ZNF385D: variants seen among roughly 807,000 people sequenced by gnomAD.
The protein encoded by ZNF385D is zinc finger protein 385D, also known as zinc finger protein 659.
A neutral mutation model predicts 35.8 loss-of-function variants in ZNF385D; 15 were observed. That is an observed-to-expected ratio of 0.42 (90% CI 0.28 to 0.64). The LOEUF (loss-of-function observed/expected upper bound fraction) is 0.64. Among genes scored for constraint, ZNF385D ranks in the 30% least tolerant of loss-of-function variants. ZNF385D has a pLI of 0.23. For synonymous variants in ZNF385D, 212 were observed against 186.8 expected (o/e 1.13, Z -1.10); for missense variants, 474 against 494.6 (o/e 0.96, Z 0.39).
intron 2 of ZNF385D, among the ~76,000 whole-genome samples, chr3:22,220,070 T>C (rs1383011743): frequency 6.6e-6 from 1 of 151,954 alleles, no homozygotes; most frequent in Non-Finnish European, 1.5e-5. Context: ...CTTTTTTTTT[T>C]TTCTTTTTTT....
intron 2 of ZNF385D, among the ~76,000 whole-genome samples, chr3:21,571,255 G>C (rs2063326642): frequency 6.6e-6 from 1 of 151,962 alleles, no homozygotes; most frequent in African/African-American, 2.4e-5. Context: ...TTTTGTGTCT[G>C]GCTTCTTTCA....
intron 2 of ZNF385D, among the ~76,000 whole-genome samples, chr3:22,302,756 T>A (rs919592927): frequency 5.9e-5 from 9 of 152,114 alleles, no homozygotes; most frequent in African/African-American, 1.9e-4. Context: ...CTAATATTGT[T>A]CCAATTAGTT....
At chr3:22,099,871 A>T (rs1353851967) in intron 3 of ZNF385D, among the ~76,000 whole-genome samples, 2 of 151,908 alleles carry the variant, frequency 1.3e-5, no homozygotes, top group Non-Finnish European at 2.9e-5. Context: ...TAGAATGTAT[A>T]GAATATTAGG....
At chr3:22,344,356 T>C (rs1011129616) in intron 2 of ZNF385D, among the ~76,000 whole-genome samples, 1 of 152,030 alleles carries the variant, frequency 6.6e-6, no homozygotes, top group African/African-American at 2.4e-5. Context: ...AAGGATAATA[T>C]TACCTTTGCT....
rs188339297 is a variant in ZNF385D, at chr3:21,695,524, C to T, written c.23-30496G>A. ...AGTATATATTATAGCCTAAGTGGAA[C>T]TGACCAATAGCCCATCCAGCTAATG... On this transcript the variant is annotated intron_variant, in intron 1 of 7. Transcript: ENST00000281523. Among the ~76,000 whole-genome samples, 127 of 152,308 alleles carry T rather than the reference C, an allele frequency of 8.3e-4. 2 individuals carry two copies. The South Asian group carries it at 0.02, about 24-fold the overall frequency.
chr3:22,332,080 A>T (rs1694964531), intron 2 of ZNF385D, among the ~76,000 whole-genome samples: 1 of 152,180 alleles, frequency 6.6e-6, no homozygotes, highest in Non-Finnish European at 1.5e-5. Flanking sequence ...ACCAGTTGTT[A>T]ACATTTTACT....
intron 3 of ZNF385D, among the ~76,000 whole-genome samples, chr3:21,521,924 G>T (rs910100029): frequency 6.6e-6 from 1 of 152,086 alleles, no homozygotes; most frequent in African/African-American, 2.4e-5. Flanking sequence ...AGAATAATTG[G>T]CAAGAGCTTC....
At chr3:22,168,617 A>C (rs1706489264) in intron 3 of ZNF385D, 1 of 183,874 alleles carries the variant, frequency 5.4e-6, no homozygotes, top group Non-Finnish European at 1.0e-5. Context: ...TCACAACCCT[A>C]ATACAATTAA....
At chr3:21,998,553 G>T (rs1222007166) in intron 3 of ZNF385D, among the ~76,000 whole-genome samples, 1 of 152,136 alleles carries the variant, frequency 6.6e-6, no homozygotes, top group East Asian at 1.9e-4. Flanking sequence ...ATTTCTTGTT[G>T]CAGATATCTT....
In ZNF385D at chr3:22,371,905, G is replaced by GT. The variant is rs201227828; in HGVS notation, c.106+544dup. On this transcript the variant is annotated intron_variant, in intron 2 of 5. Transcript: ENST00000494108. ...TGCCCTCAAAACGCGTGTATCTCAG[G>GT]TTTTTTTAAGTATTTGTTTTAAAAA... 4.6e-3 allele frequency among the ~76,000 whole-genome samples: 704 copies of GT among 152,182 alleles called. 9 individuals carry two copies. In the East Asian group the frequency reaches 0.05, roughly 11 times the overall value.
upstream of ZNF385D, among the ~76,000 whole-genome samples, chr3:21,754,799 C>T (rs1298285501): frequency 1.3e-5 from 2 of 152,084 alleles, no homozygotes; most frequent in African/African-American, 4.8e-5. Flanking sequence ...CTGTTCAATG[C>T]TATATCTACA....
intron 2 of ZNF385D, among the ~76,000 whole-genome samples, chr3:22,172,626 T>A (rs1694539834): frequency 1.3e-5 from 2 of 152,144 alleles, no homozygotes; most frequent in Admixed American, 1.3e-4. Context: ...ACAATTCGTG[T>A]AACCTAATTA....
chr3:22,013,245 T>C (rs1408742343), intron 3 of ZNF385D, among the ~76,000 whole-genome samples: 2 of 151,426 alleles, frequency 1.3e-5, no homozygotes, highest in East Asian at 2.0e-4. Flanking sequence ...CTTGCTTAAA[T>C]ATCCTCTAGA....
chr3:22,068,559 A>C (rs1700079091), intron 3 of ZNF385D, among the ~76,000 whole-genome samples: 1 of 152,162 alleles, frequency 6.6e-6, no homozygotes, highest in Admixed American at 6.5e-5. Flanking sequence ...TTCTCCTAGC[A>C]GTTGGATCTG....
At chr3:21,463,049 T>G (rs548918053) in intron 4 of ZNF385D, among the ~76,000 whole-genome samples, 26 of 152,138 alleles carry the variant, frequency 1.7e-4, no homozygotes, top group Non-Finnish European at 2.9e-5. Flanking sequence ...AATAAAAACT[T>G]TAAAATACTG....
intron 1 of ZNF385D, among the ~76,000 whole-genome samples, chr3:21,675,685 G>A (rs1229218927): frequency 6.6e-6 from 1 of 152,038 alleles, no homozygotes; most frequent in Non-Finnish European, 1.5e-5. Context: ...CATTTGTAAG[G>A]CAAAGGATTA....
intron 3 of ZNF385D, among the ~76,000 whole-genome samples, chr3:21,815,066 C>A (rs1456182159): frequency 6.6e-6 from 1 of 152,182 alleles, no homozygotes; most frequent in East Asian, 1.9e-4. Flanking sequence ...AACTGAACAA[C>A]CTGCTCCTGA....
chr3:22,015,816 G>T (rs1277619187), intron 3 of ZNF385D, among the ~76,000 whole-genome samples: 1 of 152,078 alleles, frequency 6.6e-6, no homozygotes, highest in Non-Finnish European at 1.5e-5. Flanking sequence ...TTATGCTTTT[G>T]ATGTTTGAAC....
intron 3 of ZNF385D, among the ~76,000 whole-genome samples, chr3:21,528,887 TG>T (rs1419856963): frequency 6.6e-6 from 1 of 152,198 alleles, no homozygotes; most frequent in African/African-American, 2.4e-5. Flanking sequence ...TTTGTCTAAA[TG>T]AAGCATCAAA....
Sources: gnomAD v4.1 joint callset for allele counts (sites outside exome capture counted in the v4.1 genomes callset) on GRCh38, gnomAD v4.1.1 for gene constraint, MANE v1.5 for transcripts, NCBI Gene and HGNC (gene_info 2026-07-23, HGNC 2026-07-21) for gene names.